LSM14B: variants seen among roughly 807,000 people sequenced by gnomAD.
LSM14B encodes protein LSM14 homolog B.
A neutral mutation model predicts 42.1 loss-of-function variants in LSM14B; 8 were observed. The observed-to-expected ratio is 0.19, with a 90% confidence interval of 0.11 to 0.34. The LOEUF (loss-of-function observed/expected upper bound fraction) is 0.34. LSM14B is among the 10% of genes least tolerant of loss of function. The probability of loss-of-function intolerance (pLI) is 1.00; values close to 1 mark genes in which losing one functional copy is unlikely to be tolerated. For synonymous variants in LSM14B, 219 were observed against 209.7 expected, an observed-to-expected ratio of 1.04 and a Z score of -0.38; for missense variants, 396 against 513.1, an observed-to-expected ratio of 0.77 and a Z score of 2.21.
At position 62,130,226 on chromosome 20, in the gene LSM14B, C is replaced by G. The variant is rs2056727391; in HGVS notation, c.603C>G (p.Val201=). ...TTCCCTTTTGCGCCGTAGATGTAGT[C>G]CAGCCGGCAGCTGTGCAAGCTCAAG... ...QPSSKTASDV[V]QPAAVQAQGQ... Residue 201 remains valine, a synonymous_variant, in exon 5 of 9, where the codon GTC becomes GTG. Coordinates refer to ENST00000279068, the MANE Select transcript of LSM14B (RefSeq NM_144703.3). This position sits in a 1 kb window ranked among gnomAD's most constrained non-coding sequence, Gnocchi z 4.1. The G allele has an allele frequency of 6.2e-7, 1 of 1,601,712 alleles. No individual in the cohort carries two copies. Among genetic ancestry groups the G allele is most frequent in the Non-Finnish European group, 8.5e-7 (1 of 1,174,222 alleles).
chr20:62,129,852 T>G lies in LSM14B; in HGVS notation c.495T>G (p.Ser165=). The G allele has an allele frequency of 6.2e-7, 1 of 1,612,698 alleles. No individual in the cohort carries two copies. Among genetic ancestry groups the G allele is most frequent in the Non-Finnish European group, 8.5e-7 (1 of 1,179,410 alleles). ...TGGAGCAGGCTGTGCAGACTGGTTC[T>G]GCTGACAACCTGAATGCTAAAAAGC... The part of the protein sequence containing the change: ...PMVEQAVQTG[S]ADNLNAKKLL... Residue 165 remains serine (S), a synonymous_variant, in exon 4 of 9, where the codon TCT becomes TCG. Coordinates refer to ENST00000279068, the MANE Select transcript of LSM14B (RefSeq NM_144703.3).
Position 62,122,834 on chromosome 20 carries a change from G to A in LSM14B, c.127+41G>A. On this transcript the variant is annotated intron_variant, in intron 1 of 8. Transcript: ENST00000279068. This position sits in a 1 kb window ranked among gnomAD's most constrained non-coding sequence, Gnocchi z 4.6. ...CGCCCGAGCCCGCTGACCCCCGTCC[G>A]CCAACAGCCCCGGCCTGCGGTGCCC... 4 of 1,446,450 alleles carry A rather than the reference G, an allele frequency of 2.8e-6. No homozygotes were observed. Among genetic ancestry groups the A allele is most frequent in the South Asian group, 2.6e-5 (2 of 77,566 alleles). 89.6% of individuals were successfully genotyped at this position (1,446,450 alleles called of 1,614,324 possible).
chr20:62,128,623 C>T (rs2056673589), intron 3 of LSM14B, among the ~76,000 whole-genome samples: 2 of 152,200 alleles, frequency 1.3e-5, no homozygotes, highest in African/African-American at 4.8e-5. Flanking sequence ...GCCCCTTATC[C>T]ATGCCCCTGC....
At chr20:62,125,007 A>G (rs1411616480) in intron 2 of LSM14B, among the ~76,000 whole-genome samples, 1 of 151,910 alleles carries the variant, frequency 6.6e-6, no homozygotes, top group African/African-American at 2.4e-5. Context: ...CAGCCTCCCG[A>G]GTAGCTGGGA....
In LSM14B at chr20:62,130,123, C is replaced by T. The variant is rs926387901; in HGVS notation, c.596-96C>T. On this transcript the variant is annotated intron_variant, in intron 4 of 8. Coordinates refer to ENST00000279068, the MANE Select transcript of LSM14B (RefSeq NM_144703.3). This position sits in a 1 kb window ranked among gnomAD's most constrained non-coding sequence, Gnocchi z 4.1. ...CAGCCTCCTGCGGTGCCGCCCTGGC[C>T]GCGTGCCCCATGGTGGTGGGGCCTG... The T allele has an allele frequency of 2.3e-5, 35 of 1,499,042 alleles. No homozygotes were observed. The highest frequency in any genetic ancestry group is 1.6e-4 in the South Asian group (13 of 81,384). 92.9% of individuals were successfully genotyped at this position (1,499,042 alleles called of 1,614,324 possible). A position where few individuals can be genotyped will look rare whatever the true frequency, so the allele number is the denominator to read the frequency against.
chr20:62,124,082 G>GC (rs2145591151), intron 1 of LSM14B, among the ~76,000 whole-genome samples: 2 of 152,360 alleles, frequency 1.3e-5, no homozygotes, highest in African/African-American at 4.8e-5. Flanking sequence ...AGATGCGGAA[G>GC]CCGGGGTCAG....
chr20:62,133,815 C>T (rs1201022749), intron 8 of LSM14B, among the ~76,000 whole-genome samples: 1 of 152,244 alleles, frequency 6.6e-6, no homozygotes, highest in Non-Finnish European at 1.5e-5. Flanking sequence ...CTTGGCCCAA[C>T]CCGGCCCTAA....
At position 62,129,963 on chromosome 20, in the gene LSM14B, ACAT is replaced by A. The variant is rs1568711847; in HGVS notation, c.595+15_595+17del. The A allele has an allele frequency of 6.2e-7, 1 of 1,601,728 alleles. No homozygotes were observed. Among genetic ancestry groups the A allele is most frequent in the East Asian group, 2.2e-5 (1 of 44,702 alleles). On this transcript the variant is annotated intron_variant, in intron 4 of 8. Transcript: ENST00000279068. ...GCAAGACGGCCAGCGGTACTTGAACACATCATTTCCTGGAGTTTGCTTGATGTT... is the reference window on the plus strand; with the variant it reads ...GCAAGACGGCCAGCGGTACTTGAACACATTTCCTGGAGTTTGCTTGATGTT...
In LSM14B at chr20:62,122,897, C is replaced by A; in HGVS notation, c.127+104C>A. On this transcript the variant is annotated intron_variant, in intron 1 of 8. Transcript: ENST00000279068. The surrounding 1 kb of genome is among the most constrained non-coding windows in gnomAD (Gnocchi z 4.6). ...GGCGCCCCGGAGCCTGGCGCCCAGA[C>A]CCCGCCCAGAACCCACCCAGGGCAC... 1 of 1,112,658 alleles carries A rather than the reference C, an allele frequency of 9.0e-7. No individual in the cohort carries two copies. The highest frequency in any genetic ancestry group is 1.7e-5 in the African/African-American group (1 of 59,224). 68.9% of individuals were successfully genotyped at this position (1,112,658 alleles called of 1,614,324 possible).
In LSM14B at chr20:62,122,739, G is replaced by C; in HGVS notation, c.73G>C (p.Glu25Gln). The C allele has an allele frequency of 6.6e-7, 1 of 1,526,078 alleles. No individual in the cohort carries two copies. Among genetic ancestry groups the C allele is most frequent in the Non-Finnish European group, 8.8e-7 (1 of 1,132,622 alleles). The allele number at this position is 1,526,078 out of a possible 1,614,324, so 94.5% of individuals were successfully genotyped here. A position where few individuals can be genotyped will look rare whatever the true frequency, so the allele number is the denominator to read the frequency against. ...SLISKAQIRYEGILYTIDTDN... is the reference protein window; with the variant it reads ...SLISKAQIRYQGILYTIDTDN... ...CATCTCCAAGGCGCAGATCCGCTAC[G>C]AGGGCATTCTCTACACCATCGACAC... is the stretch of plus-strand genomic sequence containing the variant. Residue 25 changes from glutamate to glutamine, a missense_variant, in exon 1 of 9, where the codon GAG becomes CAG. Physicochemically the swap from Glu to Gln is conservative, Grantham distance 29 (BLOSUM62 2). Transcript: ENST00000279068. This position sits in a 1 kb window ranked among gnomAD's most constrained non-coding sequence, Gnocchi z 4.6.
Position 62,124,908 on chromosome 20 carries a change from G to C in LSM14B, c.291+128G>C, listed in dbSNP as rs2056542318. The C allele has an allele frequency of 1.0e-4, 100 of 1,005,022 alleles. No homozygotes were observed. The South Asian group carries it at 1.8e-3, about 18-fold the overall frequency. The allele number at this position is 1,005,022 out of a possible 1,614,324, so 62.3% of individuals were successfully genotyped here. ...TTTTTTTTTTTTTCTTTGAGGCAGC[G>C]TCTCGCTGTGTCACCAGGCTGGAGG... On this transcript the variant is annotated intron_variant, in intron 2 of 8. Coordinates refer to ENST00000279068, the MANE Select transcript of LSM14B (RefSeq NM_144703.3).
intron 3 of LSM14B, among the ~76,000 whole-genome samples, chr20:62,128,187 C>G (rs1330139585): frequency 6.6e-6 from 1 of 152,204 alleles, no homozygotes; most frequent in Non-Finnish European, 1.5e-5. Flanking sequence ...AGCCTGATGG[C>G]CAGCTGGCCA....
intron 3 of LSM14B, chr20:62,129,162 T>C (rs1199953297): frequency 5.3e-6 from 2 of 378,976 alleles, no homozygotes; most frequent in Admixed American, 7.4e-5. Flanking sequence ...AGGAGCCCTT[T>C]GTGTCTTCAT....
At chr20:62,127,827 G>A in intron 3 of LSM14B, 1 of 755,300 alleles carries the variant, frequency 1.3e-6, no homozygotes. Context: ...CCGCTGAGCT[G>A]CTTGTTTTGC....
At chr20:62,131,210 A>T in intron 6 of LSM14B, 146 bp from the exon 7 acceptor site, 3 of 950,734 alleles carry the variant, frequency 3.2e-6, no homozygotes, top group Non-Finnish European at 4.6e-6. Context: ...CTTAGAAGGT[A>T]GAAGAAGAGA....
chr20:62,129,434 G>C (rs964626839), intron 3 of LSM14B, among the ~76,000 whole-genome samples: 1 of 152,218 alleles, frequency 6.6e-6, no homozygotes, highest in Admixed American at 6.5e-5. Flanking sequence ...TGGAGCTTGT[G>C]TGGTTTTAAG....
Position 62,131,366 on chromosome 20 carries a change from TGAGAAGGGGGAA to T in LSM14B, c.854_865del (p.Gly285_Lys288del). On this transcript the variant is annotated inframe_deletion, in exon 7 of 9. Coordinates refer to ENST00000279068, the MANE Select transcript of LSM14B (RefSeq NM_144703.3). ...TGCTTCTTTTTGTAGATGACAAGGC[TGAGAAGGGGGAA>T]GAGAAGGACCTGGCTGTGGTGACCC... 5 of 1,600,512 alleles carry T rather than the reference TGAGAAGGGGGAA, an allele frequency of 3.1e-6. No homozygotes were observed. Among genetic ancestry groups the T allele is most frequent in the Non-Finnish European group, 4.3e-6 (5 of 1,173,006 alleles).
At chr20:62,131,256 C>T (rs551657829) in intron 6 of LSM14B, 100 bp from the exon 7 acceptor site, 1 of 1,348,098 alleles carries the variant, frequency 7.4e-7, no homozygotes, top group Non-Finnish European at 1.0e-6. Context: ...GATGTCTTAG[C>T]TTGAGGGTGG....
At chr20:62,129,751 CTG>C (rs2056709534) in intron 3 of LSM14B, 32 bp from the exon 4 acceptor site, 1 of 1,561,948 alleles carries the variant, frequency 6.4e-7, no homozygotes, top group African/African-American at 1.4e-5. Flanking sequence ...TCTTTTCTCT[CTG>C]TTTTTAAACC....
Sources: allele counts gnomAD v4.1 joint callset (sites outside exome capture counted in the v4.1 genomes callset), GRCh38; gene constraint gnomAD v4.1.1; non-coding constraint Gnocchi (gnomAD v3.1); transcripts MANE v1.5; gene names NCBI Gene and HGNC (gene_info 2026-07-23, HGNC 2026-07-21).